BTRC: variants seen among roughly 807,000 people sequenced by gnomAD.
BTRC encodes the protein beta-transducin repeat containing E3 ubiquitin protein ligase.
A neutral mutation model predicts 85.5 loss-of-function variants in BTRC; 42 were observed. The observed-to-expected ratio is 0.49, with a 90% CI of 0.38 to 0.64. The LOEUF is 0.64. Ranked by LOEUF, BTRC falls within the 30% of genes least tolerant of loss-of-function variation. The pLI, the probability that BTRC is intolerant of heterozygous loss-of-function variation, is 0.00. For synonymous variants in BTRC, 255 were observed against 263.3 expected (o/e 0.97, Z 0.30); for missense variants, 594 against 743.5 (o/e 0.80, Z 2.34).
intron 4 of BTRC, among the ~76,000 whole-genome samples, chr10:101,520,614 G>A (rs1034153481): frequency 1.3e-5 from 2 of 152,168 alleles, no homozygotes; most frequent in African/African-American, 4.8e-5. Context: ...CAGAGTCTCA[G>A]AATATTCATT....
At chr10:101,480,999 GCCTTTACCTC>G (rs1193641345) in intron 4 of BTRC, among the ~76,000 whole-genome samples, 1 of 152,188 alleles carries the variant, frequency 6.6e-6, no homozygotes, top group Non-Finnish European at 1.5e-5. Context: ...GCTCAATGCA[GCCTTTACCTC>G]CAGGGCTCAA....
Position 101,475,953 on chromosome 10 carries a change from A to ATATATATATATATTTTTT in BTRC, c.235-3414_235-3413insATATATATATATTTTTTT, listed in dbSNP as rs1265691229. ...TATATATATATATATATATATATAT[A>ATATATATATATATTTTTT]TTCAGTAATTCCTAAGGGGAAAATA... On this transcript the variant is annotated intron_variant, in intron 3 of 14. Transcript: ENST00000370187. Among the ~76,000 whole-genome samples the ATATATATATATATTTTTT allele has an allele frequency of 1.5e-5, 2 of 133,806 alleles. 1 individual carries two copies. The highest frequency in any genetic ancestry group is 5.9e-5 in the African/African-American group (2 of 33,926). 87.8% of individuals were successfully genotyped at this position (133,806 alleles called of 152,430 possible).
At chr10:101,536,139 C>G (rs905978945) in intron 11 of BTRC, among the ~76,000 whole-genome samples, 1 of 152,170 alleles carries the variant, frequency 6.6e-6, no homozygotes, top group Non-Finnish European at 1.5e-5. Context: ...AAGTGTCTGC[C>G]GTGGCAGAGG....
At chr10:101,543,881 G>T (rs2062516758) in intron 13 of BTRC, among the ~76,000 whole-genome samples, 1 of 152,012 alleles carries the variant, frequency 6.6e-6, no homozygotes. Context: ...TGTTATTTTT[G>T]CTTTAAACAA....
chr10:101,481,303 C>G (rs1945828131), intron 4 of BTRC, among the ~76,000 whole-genome samples: 1 of 152,116 alleles, frequency 6.6e-6, no homozygotes, highest in East Asian at 1.9e-4. Flanking sequence ...TTATTTGGGC[C>G]TTTAAAAATA....
At chr10:101,374,132 C>T (rs543302956) in intron 1 of BTRC, among the ~76,000 whole-genome samples, 18 of 152,156 alleles carry the variant, frequency 1.2e-4, no homozygotes, top group East Asian at 1.9e-4. Context: ...CCGGAGGAAT[C>T]GCCACACTGA....
At chr10:101,384,570 G>A (rs1411534009) in intron 1 of BTRC, among the ~76,000 whole-genome samples, 1 of 152,094 alleles carries the variant, frequency 6.6e-6, no homozygotes, top group Non-Finnish European at 1.5e-5. Context: ...ATACGAGTAG[G>A]AATCAGTCAC....
At chr10:101,478,155 G>C (rs1945738502) in intron 3 of BTRC, among the ~76,000 whole-genome samples, 1 of 151,892 alleles carries the variant, frequency 6.6e-6, no homozygotes, top group African/African-American at 2.4e-5. Context: ...CAAAAAATTA[G>C]CTGGGCATGG....
intron 7 of BTRC, among the ~76,000 whole-genome samples, 156 bp from the exon 8 acceptor site, chr10:101,532,139 A>G (rs1244902689): frequency 1.3e-5 from 2 of 152,240 alleles, no homozygotes; most frequent in Admixed American, 1.3e-4. Context: ...TTTTATAAAT[A>G]TAGATAGTAG....
intron 3 of BTRC, among the ~76,000 whole-genome samples, chr10:101,467,220 G>A (rs1272233185): frequency 2.0e-5 from 3 of 148,266 alleles, no homozygotes; most frequent in Admixed American, 6.7e-5. Flanking sequence ...CACAGAATTT[G>A]CTTCCTTTAA....
intron 1 of BTRC, among the ~76,000 whole-genome samples, chr10:101,394,849 A>G (rs1341337692): frequency 3.3e-5 from 5 of 152,126 alleles, no homozygotes; most frequent in African/African-American, 1.2e-4. Context: ...GATTTCTTAC[A>G]CATACATGTA....
chr10:101,366,798 T>TAATATATA (rs1564729692), intron 1 of BTRC, among the ~76,000 whole-genome samples: 1 of 87,796 alleles, frequency 1.1e-5, no homozygotes, highest in Non-Finnish European at 2.1e-5. Context: ...ATTTTTACAT[T>TAATATATA]TATATATATA....
At chr10:101,354,654 C>CGCG (rs2134451080) in intron 1 of BTRC, 1 of 214,360 alleles carries the variant, frequency 4.7e-6, no homozygotes, top group African/African-American at 2.4e-5. Flanking sequence ...GGGAAGGGAG[C>CGCG]GCGGGATAGA....
chr10:101,387,015 T>C (rs1943097056), intron 1 of BTRC, among the ~76,000 whole-genome samples: 1 of 152,186 alleles, frequency 6.6e-6, no homozygotes, highest in African/African-American at 2.4e-5. Flanking sequence ...GCCCCCAGCA[T>C]CATTTATTGG....
intron 4 of BTRC, among the ~76,000 whole-genome samples, chr10:101,493,768 AG>A (rs1357957505): frequency 1.9e-4 from 29 of 152,288 alleles, no homozygotes; most frequent in African/African-American, 6.7e-4. Flanking sequence ...CTCAATTAGC[AG>A]CCACAAAAAA....
chr10:101,521,448 G>C (rs1480122492), intron 4 of BTRC, among the ~76,000 whole-genome samples, 191 bp from the exon 5 acceptor site: 1 of 152,190 alleles, frequency 6.6e-6, no homozygotes, highest in Non-Finnish European at 1.5e-5. Context: ...TGGATGCTTA[G>C]TCTTCTAGTA....
intron 4 of BTRC, among the ~76,000 whole-genome samples, chr10:101,485,595 C>T (rs921761441): frequency 3.3e-5 from 5 of 152,034 alleles, no homozygotes; most frequent in South Asian, 4.1e-4. Context: ...TTTGAACTAC[C>T]GTGTTTCTGT....
chr10:101,429,808 C>T (rs1944354753), intron 1 of BTRC, among the ~76,000 whole-genome samples: 2 of 149,342 alleles, frequency 1.3e-5, no homozygotes, highest in African/African-American at 4.9e-5. Flanking sequence ...CATACGCAAA[C>T]TGTGCAGAGT....
intron 4 of BTRC, among the ~76,000 whole-genome samples, chr10:101,494,812 C>T (rs998868508): frequency 6.6e-6 from 1 of 152,160 alleles, no homozygotes; most frequent in African/African-American, 2.4e-5. Flanking sequence ...CAAATTCTGT[C>T]TGGATTGCAG....
Sources: allele counts gnomAD v4.1 joint callset (sites outside exome capture counted in the v4.1 genomes callset), GRCh38; gene constraint gnomAD v4.1.1; transcripts MANE v1.5; gene names NCBI Gene and HGNC (gene_info 2026-07-23, HGNC 2026-07-21).